ARHGEF9: variants seen among roughly 807,000 people sequenced by gnomAD.
ARHGEF9 encodes rho guanine nucleotide exchange factor 9.
In ARHGEF9, 2 loss-of-function variants were observed where a neutral mutation model predicts 41.3. The ratio of observed to expected loss-of-function variants is 0.05; its 90% CI spans 0.02 to 0.15. ARHGEF9 has a LOEUF of 0.15. Ranked by LOEUF, ARHGEF9 falls within the 10% of genes least tolerant of loss-of-function variation. The pLI is 1.00. For missense variants in ARHGEF9, 225 were observed against 424.7 expected (o/e 0.53, Z 4.13); for synonymous variants, 160 against 154.4 (o/e 1.04, Z -0.27).
At chrX:63,664,241 C>G (rs782132266) in intron 7 of ARHGEF9, among the ~76,000 whole-genome samples, 2 of 112,192 alleles carry the variant, frequency 1.8e-5, no homozygotes, top group African/African-American at 3.2e-5. Flanking sequence ...TAAGTTAAAC[C>G]CATTGTTTAT....
chrX:63,769,890 G>A (rs185859193), intron 1 of ARHGEF9, among the ~76,000 whole-genome samples: 169 of 112,522 alleles, frequency 1.5e-3, no homozygotes, highest in Non-Finnish European at 2.4e-3. Context: ...TGTGGGAGGG[G>A]GAGATGCATA....
At chrX:63,676,846 C>G (rs1213065566) in intron 5 of ARHGEF9, among the ~76,000 whole-genome samples, 1 of 112,434 alleles carries the variant, frequency 8.9e-6, no homozygotes, top group Non-Finnish European at 1.9e-5. Flanking sequence ...GTTGCACTAG[C>G]TATGTTTCTT....
chrX:63,758,228 G>T (rs782519070), intron 1 of ARHGEF9, among the ~76,000 whole-genome samples: 2 of 108,468 alleles, frequency 1.8e-5, no homozygotes, highest in East Asian at 5.8e-4. Flanking sequence ...CTAAATTGCA[G>T]ACAAGGCAGC....
intron 4 of ARHGEF9, among the ~76,000 whole-genome samples, chrX:63,680,577 G>A (rs2050559118): frequency 8.9e-6 from 1 of 112,578 alleles, no homozygotes; most frequent in Non-Finnish European, 1.9e-5. Context: ...TATCAGCAAA[G>A]TAGCAGGAGT....
At chrX:63,675,327 A>G (rs1452328454) in intron 5 of ARHGEF9, among the ~76,000 whole-genome samples, 1 of 111,777 alleles carries the variant, frequency 8.9e-6, no homozygotes, top group East Asian at 2.8e-4. Context: ...ATCTATTTCT[A>G]TGGAGCTTCT....
chrX:63,656,858 C>A (rs375871166), intron 7 of ARHGEF9: 1 of 111,715 alleles, frequency 9.0e-6, no homozygotes, highest in African/African-American at 3.3e-5. Context: ...TTTCTTAATG[C>A]GGATAGTAAA....
intron 3 of ARHGEF9, among the ~76,000 whole-genome samples, chrX:63,699,167 CA>C (rs1435439248): frequency 8.9e-6 from 1 of 111,793 alleles, no homozygotes. Context: ...CATATCATCT[CA>C]ACATTAAATG....
chrX:63,645,159 T>C (rs1297706670), intron 8 of ARHGEF9, among the ~76,000 whole-genome samples: 2 of 111,097 alleles, frequency 1.8e-5, no homozygotes, highest in Non-Finnish European at 3.8e-5. Context: ...AAAGGAAATT[T>C]TATATTAAAA....
rs782512196 is a variant in ARHGEF9 at position 63,637,928 on chromosome X, G to A, written c.*100C>T. ...TGTACTCAAGGGTCTCTGTGTGTGT[G>A]TGTGTGTATAAATTTCAACAGTGCT... On this transcript the variant is annotated 3_prime_UTR_variant, in exon 10 of 10. Transcript: ENST00000671741. The A allele has an allele frequency of 2.8e-4, 187 of 656,717 alleles. 1 individual carries two copies. Among genetic ancestry groups the A allele is most frequent in the Middle Eastern group, 5.0e-4 (1 of 1,998 alleles). 54.1% of individuals were successfully genotyped at this position (656,717 alleles called of 1,213,427 possible).
At chrX:63,746,202 T>C (rs1374007981) in intron 1 of ARHGEF9, among the ~76,000 whole-genome samples, 1 of 111,583 alleles carries the variant, frequency 9.0e-6, no homozygotes, top group East Asian at 2.8e-4. Flanking sequence ...ACAACTTTCC[T>C]TCTTCTCTGC....
At chrX:63,746,859 C>T (rs1377663928) in intron 1 of ARHGEF9, among the ~76,000 whole-genome samples, 14 of 111,693 alleles carry the variant, frequency 1.3e-4, no homozygotes, top group Non-Finnish European at 2.6e-4. Flanking sequence ...CATACCCTAG[C>T]TACTCAATTC....
intron 8 of ARHGEF9, among the ~76,000 whole-genome samples, chrX:63,647,400 G>A (rs781921101): frequency 3.6e-5 from 4 of 111,508 alleles, no homozygotes; most frequent in African/African-American, 9.8e-5. Context: ...TTTGAAATAC[G>A]TCCCATCAGT....
intron 1 of ARHGEF9, among the ~76,000 whole-genome samples, chrX:63,734,686 G>A (rs1306694416): frequency 2.2e-4 from 25 of 111,479 alleles, no homozygotes; most frequent in Non-Finnish European, 3.2e-4. Flanking sequence ...GTGGCCTGTC[G>A]GAGAGGATTT....
chrX:63,688,836 A>G (rs1297247853), intron 4 of ARHGEF9, among the ~76,000 whole-genome samples: 3 of 112,669 alleles, frequency 2.7e-5, no homozygotes, highest in African/African-American at 6.5e-5. Flanking sequence ...GTAAACTGAG[A>G]AAACAAAAAG....
At chrX:63,705,872 T>C (rs2052507820) in intron 3 of ARHGEF9, among the ~76,000 whole-genome samples, 1 of 111,609 alleles carries the variant, frequency 9.0e-6, no homozygotes, top group African/African-American at 3.3e-5. Context: ...TGTGAATCAC[T>C]GGCTTGGCGG....
intron 3 of ARHGEF9, among the ~76,000 whole-genome samples, chrX:63,702,011 G>T (rs1184002836): frequency 1.8e-5 from 2 of 112,617 alleles, no homozygotes; most frequent in African/African-American, 6.5e-5. Context: ...GCAATTTGCA[G>T]AAGGGAAAAC....
At chrX:63,715,206 GTTAAGTAGC>G (rs1383522528) in intron 2 of ARHGEF9, among the ~76,000 whole-genome samples, 6 of 112,194 alleles carry the variant, frequency 5.3e-5, no homozygotes, top group Non-Finnish European at 1.1e-4. Context: ...AGGTTAATTA[GTTAAGTAGC>G]CAAAAAAGGA....
intron 1 of ARHGEF9, among the ~76,000 whole-genome samples, chrX:63,771,027 G>C (rs781868920): frequency 8.9e-6 from 1 of 112,227 alleles, no homozygotes; most frequent in African/African-American, 3.2e-5. Flanking sequence ...CCACATAAAC[G>C]CCAACATCTA....
chrX:63,769,783 C>T (rs1556453642), intron 1 of ARHGEF9, among the ~76,000 whole-genome samples: 2 of 112,517 alleles, frequency 1.8e-5, no homozygotes, highest in Non-Finnish European at 3.8e-5. Context: ...AGTGTTAAGC[C>T]TGCAGATGCA....
Sources: allele counts gnomAD v4.1 joint callset (sites outside exome capture counted in the v4.1 genomes callset), GRCh38; gene constraint gnomAD v4.1.1; transcripts MANE v1.5; gene names NCBI Gene and HGNC (gene_info 2026-07-23, HGNC 2026-07-21).